AKAP6: variants seen among roughly 807,000 people sequenced by gnomAD.
The protein encoded by AKAP6 is A-kinase anchoring protein 6.
In AKAP6, 58 loss-of-function variants were observed where a neutral mutation model predicts 188.5. The ratio of observed to expected loss-of-function variants is 0.31; its 90% CI spans 0.25 to 0.38. The LOEUF (loss-of-function observed/expected upper bound fraction) is 0.38, where lower values mean the gene tolerates loss of function less well. Among genes scored for constraint, AKAP6 ranks in the 10% least tolerant of loss-of-function variants. The pLI, the probability that AKAP6 is intolerant of heterozygous loss-of-function variation, is 1.00. For synonymous variants in AKAP6, 989 were observed against 998.6 expected (o/e 0.99, Z 0.18); for missense variants, 2,710 against 2,740.0 (o/e 0.99, Z 0.24).
At chr14:32,504,072 A>T (rs982440259) in intron 2 of AKAP6, among the ~76,000 whole-genome samples, 9 of 151,860 alleles carry the variant, frequency 5.9e-5, no homozygotes, top group Non-Finnish European at 2.9e-5. Context: ...AATATATTTT[A>T]TTATTCAATT....
intron 1 of AKAP6, among the ~76,000 whole-genome samples, chr14:32,337,443 C>T (rs200433247): frequency 6.6e-6 from 1 of 151,708 alleles, no homozygotes; most frequent in Non-Finnish European, 1.5e-5. Context: ...ACAAAGGTAA[C>T]AATAAAAACT....
chr14:32,796,377 A>G (rs1431947260), intron 12 of AKAP6, among the ~76,000 whole-genome samples: 2 of 152,220 alleles, frequency 1.3e-5, no homozygotes, highest in Non-Finnish European at 2.9e-5. Context: ...ACTTCAAACT[A>G]TACTGCAAGG....
At chr14:32,390,892 G>A (rs1888692442) in intron 1 of AKAP6, among the ~76,000 whole-genome samples, 1 of 152,170 alleles carries the variant, frequency 6.6e-6, no homozygotes, top group South Asian at 2.1e-4. Flanking sequence ...CCAAGTCAGA[G>A]CTGCAATCTA....
At chr14:32,396,347 A>C (rs1888878966) in intron 1 of AKAP6, among the ~76,000 whole-genome samples, 1 of 152,272 alleles carries the variant, frequency 6.6e-6, no homozygotes, top group Middle Eastern at 3.4e-3. Context: ...GAAACTCATT[A>C]AGAAACTCAT....
rs1331125608 is a variant in AKAP6 at position 32,545,612 on chromosome 14, G to T, written c.959G>T (p.Gly320Val). ...GCTTCTGCAGTCGAAGAGCAACCAGGCTTAACACTGGGGGTGTCATCATCT... is the reference window on the plus strand; with the variant it reads ...GCTTCTGCAGTCGAAGAGCAACCAGTCTTAACACTGGGGGTGTCATCATCT... ...DNASAVEEQPGLTLGVSSSSG... is the reference protein window; with the variant it reads ...DNASAVEEQPVLTLGVSSSSG... The change falls in exon 4 of 14, where the codon GGC (glycine) becomes GTC (valine). Residue 320 changes from glycine (G) to valine (V), a missense_variant. Physicochemically the swap from Gly to Val is moderately radical, Grantham distance 109. This residue lies in a region of AKAP6 where 2,473 missense variants were observed against 2,426.1 expected (regional missense o/e 1.02). Coordinates refer to ENST00000280979, the MANE Select transcript of AKAP6 (RefSeq NM_004274.5). The T allele has an allele frequency of 6.2e-7, 1 of 1,614,040 alleles. No individual in the cohort carries two copies. Among genetic ancestry groups the T allele is most frequent in the Non-Finnish European group, 8.5e-7 (1 of 1,180,026 alleles).
At chr14:32,363,798 T>C (rs1887739216) in intron 1 of AKAP6, among the ~76,000 whole-genome samples, 1 of 152,174 alleles carries the variant, frequency 6.6e-6, no homozygotes, top group South Asian at 2.1e-4. Context: ...CCAAGGAAAA[T>C]ACTTTGCATC....
chr14:32,405,857 C>T (rs1889274284), intron 1 of AKAP6, among the ~76,000 whole-genome samples: 2 of 152,148 alleles, frequency 1.3e-5, no homozygotes, highest in South Asian at 4.1e-4. Flanking sequence ...ATGAGATTAC[C>T]CGGTCTCCTG....
chr14:32,367,461 A>C lies in AKAP6; in HGVS notation c.-35+38053A>C, dbSNP rs140495829. Among the ~76,000 whole-genome samples the C allele has an allele frequency of 3.8e-3, 576 of 152,318 alleles. 2 individuals are homozygous for C. The highest frequency in any genetic ancestry group is 0.013 in the African/African-American group (556 of 41,564). ...TTATCAAATATTATTTATTTTGTAA[A>C]AGATCAGATCTTTCTTTTCACCTAG... On this transcript the variant is annotated intron_variant, in intron 1 of 13. Coordinates refer to ENST00000280979, the MANE Select transcript of AKAP6 (RefSeq NM_004274.5).
At chr14:32,540,168 C>CTATATATATATATA (rs61668961) in intron 3 of AKAP6, among the ~76,000 whole-genome samples, 9 of 60,916 alleles carry the variant, frequency 1.5e-4, no homozygotes, top group African/African-American at 7.8e-4. Context: ...CTCTCTCTCT[C>CTATATATATATATA]TATATATATA....
chr14:32,421,450 T>A (rs1434749560), intron 1 of AKAP6, among the ~76,000 whole-genome samples: 1 of 152,190 alleles, frequency 6.6e-6, no homozygotes, highest in Non-Finnish European at 1.5e-5. Context: ...CTATTATACA[T>A]ACTTTTATTT....
Position 32,830,617 on chromosome 14 carries a change from A to G in AKAP6, c.*812A>G, listed in dbSNP as rs2034802038. The stretch of plus-strand genomic sequence containing the variant: ...GGTAAAATTATGTTGGTTTGAAAGG[A>G]GGAAATAGCAAGGTTAAGATGTGTG... On this transcript the variant is annotated 3_prime_UTR_variant, in exon 14 of 14. Transcript: ENST00000280979. 6.6e-6 allele frequency: 1 copy of G among 152,658 alleles called. No homozygotes were observed. Among genetic ancestry groups the G allele is most frequent in the Non-Finnish European group, 1.5e-5 (1 of 68,042 alleles). 9.5% of individuals were successfully genotyped at this position (152,658 alleles called of 1,614,324 possible).
chr14:32,439,059 C>T (rs1890481087), intron 2 of AKAP6: 1 of 152,172 alleles, frequency 6.6e-6, no homozygotes, highest in South Asian at 2.1e-4. Flanking sequence ...TGTCCTAAGC[C>T]ACCTCCACAT....
At chr14:32,683,375 A>G (rs969593843) in intron 8 of AKAP6, among the ~76,000 whole-genome samples, 1 of 152,150 alleles carries the variant, frequency 6.6e-6, no homozygotes. Context: ...TTAATGGAGC[A>G]TGTGGAGACT....
chr14:32,776,894 A>G (rs891733430), intron 12 of AKAP6, among the ~76,000 whole-genome samples: 2 of 152,134 alleles, frequency 1.3e-5, no homozygotes, highest in Non-Finnish European at 2.9e-5. Flanking sequence ...GCCAAAGAGG[A>G]AAGGGCTACA....
Position 32,833,902 on chromosome 14 carries a change from C to T in AKAP6, c.*4097C>T, listed in dbSNP as rs866787018. On this transcript the variant is annotated 3_prime_UTR_variant, in exon 14 of 14. Coordinates refer to ENST00000280979, the MANE Select transcript of AKAP6 (RefSeq NM_004274.5). ...GAGTAGAACAAAGATACTTGGTACT[C>T]ATCCCTCAGGTTCATTTATTGTTAA... 2.5e-4 allele frequency: 38 copies of T among 152,274 alleles called. No homozygotes were observed. Among genetic ancestry groups the T allele is most frequent in the African/African-American group, 8.4e-4 (35 of 41,554 alleles). 9.4% of individuals were successfully genotyped at this position (152,274 alleles called of 1,614,324 possible). A position where few individuals can be genotyped will look rare whatever the true frequency, so the allele number is the denominator to read the frequency against.
At chr14:32,459,025 A>G (rs1168999888) in intron 2 of AKAP6, among the ~76,000 whole-genome samples, 3 of 152,206 alleles carry the variant, frequency 2.0e-5, no homozygotes, top group Non-Finnish European at 2.9e-5. Flanking sequence ...AATGTTATTA[A>G]TAAAGGAACA....
intron 13 of AKAP6, among the ~76,000 whole-genome samples, chr14:32,826,949 G>A (rs189119728): frequency 3.3e-5 from 5 of 152,190 alleles, no homozygotes; most frequent in Non-Finnish European, 7.4e-5. Flanking sequence ...CTTGTTATAG[G>A]CCTAGAGCCA....
chr14:32,772,354 A>G lies in AKAP6; in HGVS notation c.3373-1324A>G, dbSNP rs546672209. On this transcript the variant is annotated intron_variant, in intron 11 of 13. Coordinates refer to ENST00000280979, the MANE Select transcript of AKAP6 (RefSeq NM_004274.5). ...ATAAATAAGGATAAGTTCAAGAAAC[A>G]TAACTGAAACTGCTGCGCTGGTATA... is the stretch of plus-strand genomic sequence containing the variant. Among the ~76,000 whole-genome samples the G allele has an allele frequency of 5.3e-5, 8 of 152,354 alleles. No individual in the cohort carries two copies. In the South Asian group the frequency reaches 1.2e-3, roughly 24 times the overall value.
intron 12 of AKAP6, among the ~76,000 whole-genome samples, chr14:32,783,458 T>C (rs1038815756): frequency 6.6e-6 from 1 of 152,134 alleles, no homozygotes; most frequent in African/African-American, 2.4e-5. Context: ...GTAATATGTA[T>C]AATTTACTTT....
Sources: gnomAD v4.1 joint callset for allele counts (sites outside exome capture counted in the v4.1 genomes callset) on GRCh38, gnomAD v4.1.1 for gene constraint, gnomAD v4.1.1 regional missense constraint, MANE v1.5 for transcripts, NCBI Gene and HGNC (gene_info 2026-07-23, HGNC 2026-07-21) for gene names.